ALG8: variants seen among roughly 807,000 people sequenced by gnomAD.
ALG8 encodes the protein dolichyl pyrophosphate Glc1Man9GlcNAc2 alpha-1,3-glucosyltransferase.
A neutral mutation model predicts 70.2 loss-of-function variants in ALG8; 48 were observed. The ratio of observed to expected loss-of-function variants is 0.68; its 90% CI spans 0.54 to 0.87. The LOEUF (loss-of-function observed/expected upper bound fraction) is 0.87. ALG8 is among the 40% of genes least tolerant of loss of function. The pLI is 0.00. For synonymous variants in ALG8, 234 were observed against 229.0 expected, an observed-to-expected ratio of 1.02 and a Z score of -0.20; for missense variants, 572 against 608.7, an observed-to-expected ratio of 0.94 and a Z score of 0.64.
intron 1 of ALG8, among the ~76,000 whole-genome samples, chr11:78,129,070 T>C (rs1010770167): frequency 6.6e-6 from 1 of 152,128 alleles, no homozygotes; most frequent in Admixed American, 6.6e-5. Flanking sequence ...CAAGTCTAAG[T>C]ACGTATACCC....
chr11:78,112,224 C>T (rs1565348768), intron 8 of ALG8, among the ~76,000 whole-genome samples: 1 of 152,122 alleles, frequency 6.6e-6, no homozygotes, highest in Non-Finnish European at 1.5e-5. Context: ...CTGCAGTGCA[C>T]TATGATCTCA....
chr11:78,127,423 A>T lies in ALG8; in HGVS notation c.109T>A (p.Phe37Ile). Reference protein sequence around the residue: ...LLIPTYHSTDFEVHRNWLAIT... With the variant: ...LLIPTYHSTDIEVHRNWLAIT... ...GCAAGCCAGTTTCGGTGTACTTCAA[A>T]ATCTGTGGAATGGCTACTCAAAACA... The change falls in exon 2 of 13, where the codon TTT becomes ATT. Residue 37 changes from phenylalanine (F) to isoleucine (I), a missense_variant. Physicochemically the swap from Phe to Ile is conservative, Grantham distance 21. Transcript: ENST00000299626. 1 of 1,613,902 alleles carries T rather than the reference A, an allele frequency of 6.2e-7. No homozygotes were observed. Among genetic ancestry groups the T allele is most frequent in the Non-Finnish European group, 8.5e-7 (1 of 1,179,824 alleles).
intron 8 of ALG8, 64 bp from the exon 9 acceptor site, chr11:78,109,645 C>A (rs2136892259): frequency 3.5e-6 from 5 of 1,440,784 alleles, no homozygotes; most frequent in Non-Finnish European, 4.9e-6. Flanking sequence ...CATATATTAA[C>A]AATCAATTCC....
Position 78,113,910 on chromosome 11 carries a change from AAG to A in ALG8, c.751_752del (p.Leu251PhefsTer56). The A allele has an allele frequency of 6.2e-7, 1 of 1,603,908 alleles. No homozygotes were observed. The highest frequency in any genetic ancestry group is 8.5e-7 in the Non-Finnish European group (1 of 1,175,144). On this transcript the variant is annotated frameshift_variant, in exon 7 of 13. Coordinates refer to ENST00000299626, the MANE Select transcript of ALG8 (RefSeq NM_024079.5). LOFTEE classifies it high-confidence loss of function. The stretch of plus-strand genomic sequence containing the variant: ...CCAAGGCCAGGAAAGGACCCAATGA[AAG>A]AGCAGAAACTAAGAAAACAACCAGT... The part of the protein sequence containing the change: ...LGLVVFLVSA[L>X]SLGPFLALNQ...
rs550064406 is a variant in ALG8, at chr11:78,109,007, C to T, written c.1038+435G>A. ...CATCTTAGGCTCAAAAAGCCTTTGT[C>T]GACTCTCTCAACTCATTATCACCAT... On this transcript the variant is annotated intron_variant, in intron 9 of 12. Transcript: ENST00000299626. Among the ~76,000 whole-genome samples the T allele has an allele frequency of 8.6e-4, 131 of 152,284 alleles. 1 individual carries two copies. The highest frequency in any genetic ancestry group is 2.9e-3 in the African/African-American group (121 of 41,566).
intron 10 of ALG8, among the ~76,000 whole-genome samples, chr11:78,104,950 C>A (rs926865536): frequency 3.4e-5 from 5 of 148,608 alleles, no homozygotes; most frequent in East Asian, 3.9e-4. Flanking sequence ...GGCAACAGAG[C>A]GAGACTCTGT....
At chr11:78,120,977 T>A in intron 4 of ALG8, 88 bp downstream of exon 4, 1 of 1,256,544 alleles carries the variant, frequency 8.0e-7, no homozygotes, top group Non-Finnish European at 1.2e-6. Flanking sequence ...GGAGCTCACA[T>A]CTCCAATCAT....
At chr11:78,121,287 C>CTTTT in intron 3 of ALG8, 113 bp from the exon 4 acceptor site, 1 of 625,128 alleles carries the variant, frequency 1.6e-6, no homozygotes, top group Non-Finnish European at 2.8e-6. Context: ...ACATGCCATT[C>CTTTT]TTTTTTTTTT....
intron 9 of ALG8, among the ~76,000 whole-genome samples, chr11:78,108,909 T>C (rs570091771): frequency 2.6e-5 from 4 of 152,324 alleles, no homozygotes; most frequent in African/African-American, 2.4e-5. Flanking sequence ...CAATCACTAA[T>C]GAAATTTTAG....
intron 7 of ALG8, 41 bp from the exon 8 acceptor site, chr11:78,112,811 T>C (rs201248363): frequency 1.1e-4 from 184 of 1,606,714 alleles, no homozygotes; most frequent in Non-Finnish European, 1.5e-4. Flanking sequence ...CAGTCATCAA[T>C]CTTTTTCAAA....
At chr11:78,138,831 A>G (rs1018127350) in intron 1 of ALG8, 3 of 456,046 alleles carry the variant, frequency 6.6e-6, no homozygotes, top group African/African-American at 6.0e-5. Context: ...ATCTGTCCCC[A>G]GTGCACCCCA....
At chr11:78,136,091 GC>G (rs1861537758) in intron 1 of ALG8, among the ~76,000 whole-genome samples, 1 of 151,912 alleles carries the variant, frequency 6.6e-6, no homozygotes, top group Admixed American at 6.6e-5. Context: ...GATTGTTTGA[GC>G]CCAGGAAGTA....
chr11:78,117,889 G>A (rs1860647921), intron 5 of ALG8, among the ~76,000 whole-genome samples: 2 of 151,822 alleles, frequency 1.3e-5, no homozygotes, highest in South Asian at 4.2e-4. Flanking sequence ...ACTGTAAATG[G>A]TGAAACTCCG....
At position 78,107,198 on chromosome 11, in the gene ALG8, AAT is replaced by A. The variant is rs57228944; in HGVS notation, c.1039-254_1039-253del. On this transcript the variant is annotated intron_variant, in intron 9 of 12. Transcript: ENST00000299626. Reference sequence around the variant, plus strand: ...TGTAAATAAATATATTTTATATGTAAATATATATATATATATATATATATAAT... The same window carrying A: ...TGTAAATAAATATATTTTATATGTAAATATATATATATATATATATATAAT... 0.25 allele frequency among the ~76,000 whole-genome samples: 35,787 copies of A among 143,620 alleles called. 4,926 individuals are homozygous for A. The highest frequency in any genetic ancestry group is 0.31 in the Non-Finnish European group (20,454 of 65,950). The allele number at this position is 143,620 out of a possible 152,430, so 94.2% of individuals were successfully genotyped here.
At chr11:78,133,834 G>T (rs1861420573) in intron 1 of ALG8, among the ~76,000 whole-genome samples, 1 of 151,868 alleles carries the variant, frequency 6.6e-6, no homozygotes, top group Admixed American at 6.6e-5. Context: ...CCCGGAAGGT[G>T]AGCTTGCAGT....
At chr11:78,106,158 G>A (rs544156995) in intron 10 of ALG8, among the ~76,000 whole-genome samples, 1 of 152,096 alleles carries the variant, frequency 6.6e-6, no homozygotes, top group Non-Finnish European at 1.5e-5. Context: ...GGAACCATGG[G>A]ACCTTATTTT....
intron 1 of ALG8, among the ~76,000 whole-genome samples, chr11:78,133,971 G>C (rs921271165): frequency 6.6e-6 from 1 of 151,982 alleles, no homozygotes; most frequent in Admixed American, 6.6e-5. Context: ...AAAAGACAGC[G>C]TACACCTTCA....
intron 5 of ALG8, among the ~76,000 whole-genome samples, chr11:78,117,285 C>A (rs1860618657): frequency 6.6e-6 from 1 of 152,044 alleles, no homozygotes; most frequent in South Asian, 2.1e-4. Context: ...AGTCTTAAGC[C>A]CCATTCCCAG....
chr11:78,110,342 C>T (rs632764), intron 8 of ALG8, among the ~76,000 whole-genome samples: 20,454 of 152,202 alleles, frequency 0.13, 1,542 homozygotes, highest in East Asian at 0.29. Context: ...CAGGCATGTG[C>T]CACCATGCCC....
Sources: gnomAD v4.1 joint callset for allele counts (sites outside exome capture counted in the v4.1 genomes callset) on GRCh38, gnomAD v4.1.1 for gene constraint, MANE v1.5 for transcripts, NCBI Gene and HGNC (gene_info 2026-07-23, HGNC 2026-07-21) for gene names.